The following UTRN variants were observed in gnomAD, a reference collection of about 807,000 sequenced individuals.
UTRN encodes the protein dystrophin-related protein 1.
In UTRN, 283 loss-of-function variants were observed where a neutral mutation model predicts 463.9. That is an observed-to-expected ratio of 0.61 (90% CI 0.55 to 0.67). The LOEUF is 0.67. Among genes scored for constraint, UTRN ranks in the 30% least tolerant of loss-of-function variants. The probability of loss-of-function intolerance (pLI) is 0.00; values close to 1 mark genes in which losing one functional copy is unlikely to be tolerated. For missense variants in UTRN, 3,922 were observed against 4,084.3 expected (o/e 0.96, Z 1.08); for synonymous variants, 1,442 against 1,431.5 (o/e 1.01, Z -0.17).
At chr6:144,568,812 A>G (rs982289538) in intron 50 of UTRN, among the ~76,000 whole-genome samples, 1 of 152,208 alleles carries the variant, frequency 6.6e-6, no homozygotes, top group African/African-American at 2.4e-5. Context: ...CTGATCCAGT[A>G]CAAGCCCCTT....
chr6:144,752,492 A>G (rs192893733), intron 56 of UTRN, among the ~76,000 whole-genome samples: 2 of 152,320 alleles, frequency 1.3e-5, no homozygotes, highest in African/African-American at 4.8e-5. Context: ...TTGATGTAGC[A>G]CATAAAAACA....
At chr6:144,762,548 G>A (rs1174366559) in intron 58 of UTRN, among the ~76,000 whole-genome samples, 3 of 152,182 alleles carry the variant, frequency 2.0e-5, no homozygotes, top group Admixed American at 2.0e-4. Flanking sequence ...TTCTACAGGA[G>A]GATCTATTTT....
At chr6:144,641,175 C>T (rs1169618479) in intron 51 of UTRN, among the ~76,000 whole-genome samples, 2 of 152,102 alleles carry the variant, frequency 1.3e-5, no homozygotes, top group Admixed American at 6.6e-5. Context: ...AGTTGGGGTA[C>T]AGCCTGCTTT....
intron 2 of UTRN, among the ~76,000 whole-genome samples, chr6:144,400,261 A>G (rs1021132938): frequency 2.6e-5 from 4 of 152,212 alleles, no homozygotes; most frequent in Non-Finnish European, 4.4e-5. Flanking sequence ...TAATCAAGTT[A>G]TAGTATGTTT....
At chr6:144,357,829 G>A (rs1300811636) in intron 2 of UTRN, among the ~76,000 whole-genome samples, 2 of 152,210 alleles carry the variant, frequency 1.3e-5, no homozygotes, top group Admixed American at 1.3e-4. Flanking sequence ...TTATTGTGAA[G>A]TCTACTCAAC....
chr6:144,594,921 C>A (rs903181183), intron 51 of UTRN, among the ~76,000 whole-genome samples: 4 of 152,098 alleles, frequency 2.6e-5, no homozygotes, highest in African/African-American at 9.7e-5. Context: ...GATAAATTTA[C>A]TACTTTATCT....
intron 58 of UTRN, among the ~76,000 whole-genome samples, chr6:144,766,754 G>T (rs1038710708): frequency 1.3e-5 from 2 of 151,928 alleles, no homozygotes; most frequent in Non-Finnish European, 1.5e-5. Context: ...GAAAAAAGGT[G>T]ATAACTAGCA....
At chr6:144,344,987 G>A (rs968543121) in intron 2 of UTRN, among the ~76,000 whole-genome samples, 9 of 152,154 alleles carry the variant, frequency 5.9e-5, no homozygotes, top group Non-Finnish European at 1.5e-5. Context: ...GTGTGTACTG[G>A]TTGTATGAGC....
At chr6:144,618,647 A>G (rs888984086) in intron 51 of UTRN, among the ~76,000 whole-genome samples, 4 of 152,110 alleles carry the variant, frequency 2.6e-5, no homozygotes, top group Non-Finnish European at 2.9e-5. Context: ...CCATCTAGCT[A>G]TTCATTTATT....
intron 53 of UTRN, among the ~76,000 whole-genome samples, chr6:144,712,679 A>C (rs1785860821): frequency 6.6e-6 from 1 of 152,330 alleles, no homozygotes; most frequent in East Asian, 1.9e-4. Context: ...TCTAGCAGTG[A>C]TGCAGGCTTG....
chr6:144,840,729 T>G lies in UTRN; in HGVS notation c.10178-11T>G, dbSNP rs7765292. ...GAGAAGCTTTGTTGTTCTCTTTATT[T>G]GCTGTCACAGCGGGAGAGGACCTGC... On this transcript the variant is annotated splice_polypyrimidine_tract_variant and intron_variant, in intron 72 of 74. Transcript: ENST00000367545. 13,323 of 1,613,740 alleles carry G rather than the reference T, an allele frequency of 8.3e-3. 899 individuals carry two copies. In the African/African-American group the frequency reaches 0.15, roughly 18 times the overall value.
At chr6:144,706,938 T>C (rs927531239) in intron 53 of UTRN, 1 of 152,168 alleles carries the variant, frequency 6.6e-6, no homozygotes, top group Non-Finnish European at 1.5e-5. Context: ...CAGGAACCTA[T>C]ACTGTAAACA....
intron 43 of UTRN, among the ~76,000 whole-genome samples, chr6:144,534,640 ATGAT>A (rs1192100464): frequency 1.3e-5 from 2 of 152,216 alleles, no homozygotes; most frequent in Admixed American, 6.5e-5. Flanking sequence ...AATTTTGCCA[ATGAT>A]TGATTAATGA....
intron 2 of UTRN, among the ~76,000 whole-genome samples, chr6:144,355,617 A>G (rs573522872): frequency 1.1e-4 from 16 of 152,068 alleles, no homozygotes; most frequent in Non-Finnish European, 1.5e-4. Flanking sequence ...TTTATTATTT[A>G]TATTTTTGCC....
intron 2 of UTRN, among the ~76,000 whole-genome samples, chr6:144,347,008 C>T (rs1459425110): frequency 6.6e-6 from 1 of 152,084 alleles, no homozygotes; most frequent in Non-Finnish European, 1.5e-5. Flanking sequence ...TCAAAACAAG[C>T]TTGAAAATGT....
chr6:144,324,145 G>A lies in UTRN; in HGVS notation c.79+32238G>A, dbSNP rs112316897. Among the ~76,000 whole-genome samples the A allele has an allele frequency of 4.5e-3, 688 of 152,108 alleles. 5 individuals are homozygous for A. Among genetic ancestry groups the A allele is most frequent in the African/African-American group, 0.015 (617 of 41,514 alleles). On this transcript the variant is annotated intron_variant, in intron 2 of 74. Transcript: ENST00000367545. ...ATTTTTATTTCATTGTTAATATCTC[G>A]ATATAGATTTGCTTTAATACATATA... is the stretch of plus-strand genomic sequence containing the variant.
intron 50 of UTRN, among the ~76,000 whole-genome samples, chr6:144,572,757 A>T (rs953136200): frequency 3.9e-5 from 6 of 152,102 alleles, no homozygotes; most frequent in Non-Finnish European, 8.8e-5. Context: ...ATAGTATTCC[A>T]TGTTGTATAT....
At position 144,700,359 on chromosome 6, in the gene UTRN, C is replaced by G. The variant is rs556915165; in HGVS notation, c.7809+116C>G. 54 of 1,187,604 alleles carry G rather than the reference C, an allele frequency of 4.5e-5. 1 individual carries two copies. In the South Asian group the frequency reaches 1.0e-3, roughly 23 times the overall value. 73.6% of individuals were successfully genotyped at this position (1,187,604 alleles called of 1,614,324 possible). On this transcript the variant is annotated intron_variant, in intron 53 of 74. Transcript: ENST00000367545. ...CCAATTATCACAGGATTCCCCCCCCCACCACCGTCTGCTTTTAGTTGCCAG... is the reference window on the plus strand; with the variant it reads ...CCAATTATCACAGGATTCCCCCCCCGACCACCGTCTGCTTTTAGTTGCCAG...
At chr6:144,487,459 CTTG>C (rs1792575477) in intron 28 of UTRN, 86 bp from the exon 29 acceptor site, 14 of 1,296,814 alleles carry the variant, frequency 1.1e-5, no homozygotes, top group African/African-American at 1.5e-5. Flanking sequence ...AATATAATTA[CTTG>C]TTTAACAAAT....
Sources: allele counts gnomAD v4.1 joint callset (sites outside exome capture counted in the v4.1 genomes callset), GRCh38; gene constraint gnomAD v4.1.1; transcripts MANE v1.5; gene names NCBI Gene and HGNC (gene_info 2026-07-23, HGNC 2026-07-21).